TMCC2: variants seen among roughly 807,000 people sequenced by gnomAD.
The protein encoded by TMCC2 is transmembrane and coiled-coil domain family 2, also known as transmembrane and coiled-coil domains protein 2.
TMCC2 carries 16 observed loss-of-function variants against 49.4 expected under a neutral mutation model. That is an observed-to-expected ratio of 0.32 (90% CI 0.22 to 0.49). TMCC2 has a LOEUF of 0.49. Among genes scored for constraint, TMCC2 ranks in the 20% least tolerant of loss-of-function variants. The pLI is 0.99. For missense variants in TMCC2, 762 were observed against 989.8 expected (o/e 0.77, Z 3.09); for synonymous variants, 397 against 434.1 (o/e 0.91, Z 1.06).
In TMCC2 at chr1:205,271,208, G is replaced by A; in HGVS notation, c.1771G>A (p.Glu591Lys). ...CCTGAAGCAGGAGCTGGCCAGCATGGAGGAGAAGGTGGCCTACCAGTCCTA... is the reference window on the plus strand; with the variant it reads ...CCTGAAGCAGGAGCTGGCCAGCATGAAGGAGAAGGTGGCCTACCAGTCCTA... ...TNLKQELASM[E>K]EKVAYQSYER... Residue 591 changes from glutamate to lysine, a missense_variant, in exon 4 of 5, where the codon GAG (glutamate) becomes AAG (lysine). Glu to Lys is a moderately conservative substitution (Grantham distance 56, BLOSUM62 1). Around this residue, in one of 2 missense-constraint regions of TMCC2, gnomAD observed 440 missense variants for 636.7 expected, o/e 0.69. Transcript: ENST00000358024. The A allele has an allele frequency of 1.2e-6, 2 of 1,614,188 alleles. No individual in the cohort carries two copies. The highest frequency in any genetic ancestry group is 1.7e-6 in the Non-Finnish European group (2 of 1,180,054).
intron 2 of TMCC2, among the ~76,000 whole-genome samples, chr1:205,252,066 C>T (rs1225482557): frequency 6.6e-6 from 1 of 152,218 alleles, no homozygotes; most frequent in Non-Finnish European, 1.5e-5. Context: ...GTAAAACCTC[C>T]TCCAGGGAGA....
At chr1:205,269,923 C>T (rs770431175) in intron 3 of TMCC2, 39 bp downstream of exon 3, 34 of 1,578,266 alleles carry the variant, frequency 2.2e-5, no homozygotes, top group South Asian at 1.7e-4. Context: ...CCCAGCCGGA[C>T]GTGGGATGAG....
At chr1:205,260,632 GCAAC>G (rs1169522422) in intron 2 of TMCC2, among the ~76,000 whole-genome samples, 6 of 152,018 alleles carry the variant, frequency 3.9e-5, no homozygotes, top group Non-Finnish European at 7.4e-5. Flanking sequence ...AACATTTTCA[GCAAC>G]CCCAAGGAAA....
chr1:205,254,383 G>T (rs750448647), intron 2 of TMCC2, among the ~76,000 whole-genome samples: 1 of 152,194 alleles, frequency 6.6e-6, no homozygotes. Flanking sequence ...CACGCCCAGG[G>T]CTCTACAGGG....
chr1:205,246,576 G>T, intron 2 of TMCC2: 1 of 1,549,374 alleles, frequency 6.5e-7, no homozygotes, highest in Non-Finnish European at 8.7e-7. Context: ...GGCTAAAAGG[G>T]TGGCGTGGCT....
In TMCC2 at chr1:205,242,031, G is replaced by T. The variant is rs1208143099; in HGVS notation, c.734G>T (p.Gly245Val). ...TACCTCCTGGCTGAGGAGGCCGAAG[G>T]CATCGGGGACAAGGTGAGATGGGCC... ...NVYLLAEEAE[G>V]IGDKVDKGDL... The change falls in exon 2 of 5, where the codon GGC (glycine) becomes GTC (valine). Residue 245 changes from glycine (G) to valine (V), a missense_variant. Around this residue, in one of 2 missense-constraint regions of TMCC2, gnomAD observed 322 missense variants for 353.1 expected, o/e 0.91. Coordinates refer to ENST00000358024, the MANE Select transcript of TMCC2 (RefSeq NM_014858.4). The T allele has an allele frequency of 1.9e-6, 3 of 1,589,240 alleles. No individual in the cohort carries two copies. The highest frequency in any genetic ancestry group is 2.2e-5 in the East Asian group (1 of 44,674).
intron 2 of TMCC2, among the ~76,000 whole-genome samples, chr1:205,260,100 G>A (rs996602031): frequency 1.3e-5 from 2 of 152,166 alleles, no homozygotes; most frequent in African/African-American, 2.4e-5. Context: ...CTCCCTCCAC[G>A]GTTCTCCTCT....
rs1248389663 is a variant in TMCC2, at chr1:205,264,946, G to A, written c.748-4004G>A. ...TTGAGAAAAAGAGAAGAGCCCAGAG[G>A]CCATAGGGAAAATATGCCACCTTTC... On this transcript the variant is annotated intron_variant, in intron 2 of 4. Coordinates refer to ENST00000358024, the MANE Select transcript of TMCC2 (RefSeq NM_014858.4). This position sits in a 1 kb window ranked among gnomAD's most constrained non-coding sequence, Gnocchi z 4.2. Among the ~76,000 whole-genome samples, 1 of 152,204 alleles carries A rather than the reference G, an allele frequency of 6.6e-6. No homozygotes were observed. The highest frequency in any genetic ancestry group is 2.4e-5 in the African/African-American group (1 of 41,446).
intron 2 of TMCC2, chr1:205,246,635 C>G (rs1418002118): frequency 6.5e-7 from 1 of 1,550,350 alleles, no homozygotes; most frequent in South Asian, 1.2e-5. Flanking sequence ...CCAGGTTGTT[C>G]AGCCCTTAAT....
At chr1:205,256,940 G>A (rs1176276676) in intron 2 of TMCC2, among the ~76,000 whole-genome samples, 7 of 152,106 alleles carry the variant, frequency 4.6e-5, no homozygotes, top group South Asian at 4.1e-4. Flanking sequence ...ATGTGTCCTC[G>A]TGCACATCCC....
Position 205,269,171 on chromosome 1 carries a change from C to T in TMCC2, c.969C>T (p.Asn323=), listed in dbSNP as rs771577227. The change falls in exon 3 of 5, where the codon AAC becomes AAT. Residue 323 remains asparagine (N), a synonymous_variant. Coordinates refer to ENST00000358024, the MANE Select transcript of TMCC2 (RefSeq NM_014858.4). The part of the protein sequence containing the change: ...NVAEYLKLAN[N]ADKQQVSRIK... Reference sequence around the variant, plus strand: ...CAGAGTATCTGAAACTGGCCAACAACGCGGACAAGCAGCAGGTGTCACGCA... The same window carrying T: ...CAGAGTATCTGAAACTGGCCAACAATGCGGACAAGCAGCAGGTGTCACGCA... 1.3e-5 allele frequency: 21 copies of T among 1,614,014 alleles called. No homozygotes were observed. Among genetic ancestry groups the T allele is most frequent in the Admixed American group, 1.7e-5 (1 of 60,002 alleles).
chr1:205,255,194 T>C, intron 2 of TMCC2, among the ~76,000 whole-genome samples: 1 of 126,540 alleles, frequency 7.9e-6, no homozygotes, highest in African/African-American at 3.1e-5. Context: ...CAGAGCAAGA[T>C]CCTGTCTCAA....
chr1:205,255,787 A>G (rs1660847899), intron 2 of TMCC2, among the ~76,000 whole-genome samples: 1 of 152,202 alleles, frequency 6.6e-6, no homozygotes, highest in South Asian at 2.1e-4. Flanking sequence ...TAGGGGCATA[A>G]GACCTATTTA....
chr1:205,265,928 G>C (rs1361683816), intron 2 of TMCC2, among the ~76,000 whole-genome samples: 1 of 151,848 alleles, frequency 6.6e-6, no homozygotes, highest in East Asian at 1.9e-4. Context: ...TCTGTGGAAA[G>C]GGCAGCAGCT....
At chr1:205,234,983 T>A (rs1441565198) in intron 1 of TMCC2, among the ~76,000 whole-genome samples, 1 of 151,872 alleles carries the variant, frequency 6.6e-6, no homozygotes, top group Admixed American at 6.6e-5. Flanking sequence ...AAAGAAGGGG[T>A]GGGACATTTA....
At chr1:205,230,491 TGGTGAG>T (rs1254952659) in intron 1 of TMCC2, among the ~76,000 whole-genome samples, 1 of 152,106 alleles carries the variant, frequency 6.6e-6, no homozygotes, top group African/African-American at 2.4e-5. Context: ...TTAAGTGAGA[TGGTGAG>T]GGGGAAGGGG....
At chr1:205,259,305 C>T (rs80046431) in intron 2 of TMCC2, among the ~76,000 whole-genome samples, 4,602 of 151,698 alleles carry the variant, frequency 0.03, 199 homozygotes, top group African/African-American at 0.092. Flanking sequence ...GGGACCCTAA[C>T]GGGTTCTTTG....
intron 1 of TMCC2, among the ~76,000 whole-genome samples, chr1:205,230,989 TCCCCCCATC>T (rs1659772230): frequency 5.1e-4 from 1 of 1,952 alleles, no homozygotes; most frequent in African/African-American, 1.4e-3. Context: ...ATCCACCCCA[TCCCCCCATC>T]CCCCCCCCCG....
In TMCC2 at chr1:205,269,048, C is replaced by G; in HGVS notation, c.846C>G (p.Pro282=). Residue 282 remains proline (P), a synonymous_variant, in exon 3 of 5, where the codon CCC becomes CCG. Coordinates refer to ENST00000358024, the MANE Select transcript of TMCC2 (RefSeq NM_014858.4). ...ACGTGCCCGATGGGGCACCGGACCC[C>G]CAGCGGACCAAGGCCGCCATTGACC... ...SLDVPDGAPD[P]QRTKAAIDHL... is the part of the protein sequence containing the mutation. 1.2e-6 allele frequency: 2 copies of G among 1,613,640 alleles called. No individual in the cohort carries two copies. Among genetic ancestry groups the G allele is most frequent in the Non-Finnish European group, 1.7e-6 (2 of 1,180,016 alleles).
Sources: gnomAD v4.1 joint callset for allele counts (sites outside exome capture counted in the v4.1 genomes callset) on GRCh38, gnomAD v4.1.1 for gene constraint, gnomAD v4.1.1 regional missense constraint, Gnocchi (gnomAD v3.1) non-coding constraint, MANE v1.5 for transcripts, NCBI Gene and HGNC (gene_info 2026-07-23, HGNC 2026-07-21) for gene names.